Variants in NFIB observed in about 807,000 individuals in gnomAD.
The protein encoded by NFIB is nuclear factor 1 B-type.
NFIB carries 11 observed loss-of-function variants against 61.5 expected under a neutral mutation model. That is an observed-to-expected ratio of 0.18 (90% CI 0.11 to 0.30). The LOEUF (loss-of-function observed/expected upper bound fraction) is 0.30. Among genes scored for constraint, NFIB ranks in the 10% least tolerant of loss-of-function variants. The pLI, the probability that NFIB is intolerant of heterozygous loss-of-function variation, is 1.00. For synonymous variants in NFIB, 260 were observed against 216.5 expected (o/e 1.20, Z -1.76); for missense variants, 471 against 608.9 (o/e 0.77, Z 2.38).
intron 2 of NFIB, among the ~76,000 whole-genome samples, chr9:14,260,566 G>A (rs1357073259): frequency 6.6e-6 from 1 of 152,140 alleles, no homozygotes; most frequent in Non-Finnish European, 1.5e-5. Flanking sequence ...CTCCTCTACG[G>A]TTTTGATTTC....
chr9:14,230,001 C>A (rs1322007307), intron 2 of NFIB, among the ~76,000 whole-genome samples: 1 of 152,182 alleles, frequency 6.6e-6, no homozygotes, highest in Non-Finnish European at 1.5e-5. Context: ...CAGGGTTTCT[C>A]CAATGTCGTT....
chr9:14,337,847 A>C (rs1438181209), intron 1 of NFIB, among the ~76,000 whole-genome samples: 1 of 152,164 alleles, frequency 6.6e-6, no homozygotes, highest in Non-Finnish European at 1.5e-5. Flanking sequence ...AAATTCCCTC[A>C]AGGTCAAATC....
rs1056654625 is a variant in NFIB, at chr9:14,087,403, T to C, written c.*906A>G. The C allele has an allele frequency of 6.2e-5, 13 of 208,822 alleles. No homozygotes were observed. The highest frequency in any genetic ancestry group is 3.0e-4 in the African/African-American group (13 of 43,896). 12.9% of individuals were successfully genotyped at this position (208,822 alleles called of 1,614,324 possible). On this transcript the variant is annotated 3_prime_UTR_variant, in exon 11 of 11. Transcript: ENST00000380953. ...GGGCTGAAGGACTTATAATCATGAT[T>C]CCCCTTTAGATATAAATTTATAAAT...
intron 3 of NFIB, among the ~76,000 whole-genome samples, chr9:14,165,471 A>G (rs1458657496): frequency 1.3e-5 from 2 of 152,236 alleles, no homozygotes; most frequent in Non-Finnish European, 2.9e-5. Flanking sequence ...TATTCCATGA[A>G]TGAGTGCAGC....
intron 3 of NFIB, among the ~76,000 whole-genome samples, chr9:14,156,812 A>AT (rs2043468065): frequency 1.3e-5 from 2 of 152,230 alleles, no homozygotes; most frequent in South Asian, 4.1e-4. Context: ...TAGGGTGAGA[A>AT]TAAGTTTGAA....
At chr9:14,471,201 T>TAA in the NFIB span, among the ~76,000 whole-genome samples, 1 of 152,212 alleles carries the variant, frequency 6.6e-6, no homozygotes, top group African/African-American at 2.4e-5. Flanking sequence ...GTCTTTCACT[T>TAA]AAACAGGATT....
At chr9:14,525,612 T>A in the NFIB span, among the ~76,000 whole-genome samples, 5 of 152,168 alleles carry the variant, frequency 3.3e-5, no homozygotes, top group Non-Finnish European at 1.5e-5. Context: ...TATTTAATGA[T>A]GAAAATTAAG....
At chr9:14,099,225 A>C (rs979476507) in intron 10 of NFIB, among the ~76,000 whole-genome samples, 9 of 152,230 alleles carry the variant, frequency 5.9e-5, no homozygotes, top group African/African-American at 1.7e-4. Context: ...CCTTTTGTTA[A>C]AAGGCATCTA....
chr9:14,315,056 G>C (rs972097100), upstream of NFIB, among the ~76,000 whole-genome samples: 1 of 151,988 alleles, frequency 6.6e-6, no homozygotes, highest in Non-Finnish European at 1.5e-5. Context: ...CTCAGTCCGC[G>C]GAGCCTGCGG....
At chr9:14,427,331 C>G in the NFIB span, among the ~76,000 whole-genome samples, 1 of 152,180 alleles carries the variant, frequency 6.6e-6, no homozygotes, top group Non-Finnish European at 1.5e-5. Flanking sequence ...GGACCAGATA[C>G]TCTTCTAAGT....
At chr9:14,494,894 C>T in the NFIB span, among the ~76,000 whole-genome samples, 1 of 152,218 alleles carries the variant, frequency 6.6e-6, no homozygotes, top group Non-Finnish European at 1.5e-5. Context: ...CATTAATTCA[C>T]AGAATCTTCC....
Position 14,398,245 on chromosome 9 carries a change from G to A in NFIB, c.108+279C>T, listed in dbSNP as rs567536483. Among the ~76,000 whole-genome samples, 8 of 152,246 alleles carry A rather than the reference G, an allele frequency of 5.3e-5. No individual in the cohort carries two copies. In the South Asian group the frequency reaches 1.7e-3, roughly 32 times the overall value. On this transcript the variant is annotated intron_variant, in intron 1 of 8. Transcript: ENST00000380934. The stretch of plus-strand genomic sequence containing the variant: ...AGAAATTTAGGGCCTATGGGAAGGG[G>A]ATTAACTTCATAATACCTATGCTGT...
the NFIB span, among the ~76,000 whole-genome samples, chr9:14,501,833 C>A: frequency 2.6e-5 from 4 of 152,178 alleles, no homozygotes; most frequent in African/African-American, 9.7e-5. Context: ...TCTCCCCCTG[C>A]CTTGGAGGAG....
At position 14,087,754 on chromosome 9, in the gene NFIB, G is replaced by C. The variant is rs978215719; in HGVS notation, c.*555C>G. The C allele has an allele frequency of 4.6e-6, 1 of 219,318 alleles. No individual in the cohort carries two copies. The highest frequency in any genetic ancestry group is 9.2e-6 in the Non-Finnish European group (1 of 109,120). The allele number at this position is 219,318 out of a possible 1,614,324, so 13.6% of individuals were successfully genotyped here. On this transcript the variant is annotated 3_prime_UTR_variant, in exon 11 of 11. Coordinates refer to ENST00000380953, the MANE Select transcript of NFIB (RefSeq NM_001190737.2). ...GTGCTTATAAAATGGCTGGCTCATG[G>C]CTCTGTCACCCAGCACCTCTGACGC...
chr9:14,268,107 C>G (rs987809376), intron 2 of NFIB, among the ~76,000 whole-genome samples: 20 of 124,370 alleles, frequency 1.6e-4, no homozygotes, highest in Non-Finnish European at 2.7e-4. Context: ...GCCGACATAG[C>G]AAGATTCCAT....
At chr9:14,402,117 C>T (rs2061748434), upstream of NFIB, among the ~76,000 whole-genome samples, 1 of 152,150 alleles carries the variant, frequency 6.6e-6, no homozygotes, top group Non-Finnish European at 1.5e-5. Context: ...GAAACTTTGA[C>T]TGCCAGAGCA....
the NFIB span, among the ~76,000 whole-genome samples, chr9:14,468,630 T>C: frequency 6.6e-6 from 1 of 152,196 alleles, no homozygotes; most frequent in African/African-American, 2.4e-5. Flanking sequence ...GAACACGAGA[T>C]GATATTCTCC....
At chr9:14,240,647 C>G (rs993242778) in intron 2 of NFIB, among the ~76,000 whole-genome samples, 1 of 152,196 alleles carries the variant, frequency 6.6e-6, no homozygotes, top group Non-Finnish European at 1.5e-5. Flanking sequence ...AGTATAGTAA[C>G]AGCCCTATCT....
the NFIB span, among the ~76,000 whole-genome samples, chr9:14,515,457 C>A: frequency 2.0e-5 from 3 of 152,102 alleles, no homozygotes; most frequent in Non-Finnish European, 4.4e-5. Context: ...TCCACTAACT[C>A]GGTAGGCAAG....
Sources: allele counts gnomAD v4.1 joint callset (sites outside exome capture counted in the v4.1 genomes callset), GRCh38; gene constraint gnomAD v4.1.1; transcripts MANE v1.5; gene names NCBI Gene and HGNC (gene_info 2026-07-23, HGNC 2026-07-21).